DNAH5: variants seen among roughly 807,000 people sequenced by gnomAD.
DNAH5 encodes dynein axonemal heavy chain 5.
In DNAH5, 372 loss-of-function variants were observed where a neutral mutation model predicts 518.2. That is an observed-to-expected ratio of 0.72 (90% CI 0.66 to 0.78). DNAH5 has a LOEUF of 0.78. DNAH5 is among the 30% of genes least tolerant of loss of function. The pLI is 0.00. For synonymous variants in DNAH5, 2,039 were observed against 2,025.9 expected, an observed-to-expected ratio of 1.01 and a Z score of -0.17; for missense variants, 5,523 against 5,687.0, an observed-to-expected ratio of 0.97 and a Z score of 0.93.
chr5:13,915,456 A>G (rs1459912065), intron 9 of DNAH5, among the ~76,000 whole-genome samples: 2 of 152,114 alleles, frequency 1.3e-5, no homozygotes, highest in Admixed American at 1.3e-4. Flanking sequence ...AATCTTAATT[A>G]ATAACACACA....
intron 21 of DNAH5, 73 bp from the exon 22 acceptor site, chr5:13,876,890 T>G: frequency 1.4e-6 from 2 of 1,464,990 alleles, no homozygotes; most frequent in East Asian, 2.3e-5. Context: ...TGAGGATATT[T>G]CTGTGATAGT....
chr5:13,722,199 A>C (rs936845425), intron 70 of DNAH5, among the ~76,000 whole-genome samples: 3 of 152,208 alleles, frequency 2.0e-5, no homozygotes, highest in African/African-American at 7.2e-5. Context: ...CTTCAGATGG[A>C]GCTTCCCTTG....
intron 32 of DNAH5, among the ~76,000 whole-genome samples, chr5:13,844,334 C>G (rs1343872425): frequency 1.3e-5 from 2 of 152,134 alleles, no homozygotes; most frequent in African/African-American, 4.8e-5. Context: ...ATGGATTAGA[C>G]AATAGATTTC....
chr5:13,976,279 G>A (rs1301834453), intron 1 of DNAH5, among the ~76,000 whole-genome samples: 1 of 152,148 alleles, frequency 6.6e-6, no homozygotes, highest in Non-Finnish European at 1.5e-5. Flanking sequence ...GTTGCCTGCA[G>A]CCAACAGTTG....
At chr5:13,749,076 G>A (rs1423469689) in intron 65 of DNAH5, among the ~76,000 whole-genome samples, 1 of 151,964 alleles carries the variant, frequency 6.6e-6, no homozygotes, top group Non-Finnish European at 1.5e-5. Context: ...TGAAGAAGCT[G>A]CAAAAGTAAA....
At chr5:13,977,392 G>A (rs1433607662) in intron 1 of DNAH5, among the ~76,000 whole-genome samples, 1 of 152,100 alleles carries the variant, frequency 6.6e-6, no homozygotes, top group Non-Finnish European at 1.5e-5. Flanking sequence ...GCCCATTCAG[G>A]CCACTCTAAC....
At chr5:13,735,700 T>G in intron 67 of DNAH5, 118 bp downstream of exon 67, 1 of 893,052 alleles carries the variant, frequency 1.1e-6, no homozygotes, top group Non-Finnish European at 1.9e-6. Flanking sequence ...TACACTGATC[T>G]GAGATTTAAA....
Position 13,692,052 on chromosome 5 carries a change from G to A in DNAH5, c.13807C>T (p.Leu4603Phe), listed in dbSNP as rs191662365. 2.5e-6 allele frequency: 4 copies of A among 1,614,106 alleles called. No homozygotes were observed. Among genetic ancestry groups the A allele is most frequent in the East Asian group, 2.2e-5 (1 of 44,870 alleles). ...TDLNYIAAVD[L>F]RTAQTPEHWV... The stretch of plus-strand genomic sequence containing the variant: ...TGTTCAGGGGTCTGGGCTGTCCTGA[G>A]ATCCACAGCGGCAATGTAGTTCAAG... Residue 4603 changes from leucine to phenylalanine, a missense_variant, in exon 79 of 79, where the codon CTC becomes TTC. Coordinates refer to ENST00000265104, the MANE Select transcript of DNAH5 (RefSeq NM_001369.3).
At chr5:13,975,096 G>A (rs1045589143) in intron 1 of DNAH5, among the ~76,000 whole-genome samples, 25 of 152,154 alleles carry the variant, frequency 1.6e-4, no homozygotes, top group African/African-American at 5.8e-4. Flanking sequence ...TCATGCTGCT[G>A]ATAAAGACAT....
intron 32 of DNAH5, among the ~76,000 whole-genome samples, chr5:13,843,075 T>C (rs561937589): frequency 1.3e-5 from 2 of 152,314 alleles, no homozygotes; most frequent in South Asian, 2.1e-4. Flanking sequence ...CTGATGAATT[T>C]AGTCCCTTCT....
rs760689764 is a variant in DNAH5, at chr5:13,855,204, ATT to A, written c.4950+4246_4950+4247del. 3.5e-3 allele frequency among the ~76,000 whole-genome samples: 191 copies of A among 54,018 alleles called. 4 individuals are homozygous for A. The highest frequency in any genetic ancestry group is 9.0e-3 in the East Asian group (21 of 2,334). The allele number at this position is 54,018 out of a possible 152,430, so 35.4% of individuals were successfully genotyped here. On this transcript the variant is annotated intron_variant, in intron 30 of 78. Coordinates refer to ENST00000265104, the MANE Select transcript of DNAH5 (RefSeq NM_001369.3). The stretch of plus-strand genomic sequence containing the variant: ...CATAGATTTTCATCATAAATCTTAC[ATT>A]TTTTTTTTTTTTTTTTTTTTGAGAC...
At chr5:13,983,513 A>G (rs2152068662) in intron 1 of DNAH5, among the ~76,000 whole-genome samples, 1 of 152,348 alleles carries the variant, frequency 6.6e-6, no homozygotes, top group Non-Finnish European at 1.5e-5. Flanking sequence ...CATCAGCATC[A>G]GTGTGACGAT....
At position 13,814,588 on chromosome 5, in the gene DNAH5, G is replaced by C. The variant is rs1761190445; in HGVS notation, c.7230+17C>G. On this transcript the variant is annotated intron_variant, in intron 43 of 78. Coordinates refer to ENST00000265104, the MANE Select transcript of DNAH5 (RefSeq NM_001369.3). ...TGTTTTCCTTTTTAATTATACAAAA[G>C]AAGGATTCAATTATACCTCAAGAAT... 6.2e-7 allele frequency: 1 copy of C among 1,612,242 alleles called. No individual in the cohort carries two copies. Among genetic ancestry groups the C allele is most frequent in the Non-Finnish European group, 8.5e-7 (1 of 1,178,494 alleles).
intron 53 of DNAH5, among the ~76,000 whole-genome samples, chr5:13,778,596 A>AAGAAAGAGAGAGAGAGAAAGAAAG (rs768853052): frequency 8.2e-4 from 84 of 102,208 alleles, no homozygotes; most frequent in African/African-American, 3.0e-3. Context: ...GAAAGAAAGA[A>AAGAAAGAGAGAGAGAGAAAGAAAG]AGAGAGAGAG....
chr5:14,009,169 A>T (rs1252466617), intron 1 of DNAH5, among the ~76,000 whole-genome samples: 1 of 152,260 alleles, frequency 6.6e-6, no homozygotes, highest in African/African-American at 2.4e-5. Flanking sequence ...AAGCAAAGCC[A>T]AATGCAAACA....
At chr5:13,961,706 G>A (rs1409478132) in intron 1 of DNAH5, among the ~76,000 whole-genome samples, 2 of 152,082 alleles carry the variant, frequency 1.3e-5, no homozygotes, top group East Asian at 3.9e-4. Flanking sequence ...CAAAGCCCAC[G>A]GACAAAATGA....
chr5:13,778,102 T>G (rs1754375490), intron 53 of DNAH5, among the ~76,000 whole-genome samples: 1 of 152,140 alleles, frequency 6.6e-6, no homozygotes, highest in Admixed American at 6.6e-5. Context: ...TGAAATAAAC[T>G]CAGAATTCAG....
At chr5:13,739,911 A>G (rs1439724465) in intron 65 of DNAH5, among the ~76,000 whole-genome samples, 1 of 152,136 alleles carries the variant, frequency 6.6e-6, no homozygotes, top group Non-Finnish European at 1.5e-5. Context: ...TCCCAAGTTT[A>G]TATCTCAGCT....
At chr5:13,837,692 CTTTTTTTT>C (rs534618242) in intron 35 of DNAH5, among the ~76,000 whole-genome samples, 29 of 95,136 alleles carry the variant, frequency 3.0e-4, no homozygotes, top group Non-Finnish European at 4.6e-4. Context: ...GGGAACTCCA[CTTTTTTTT>C]TTTTTTTTTT....
Sources: allele counts gnomAD v4.1 joint callset (sites outside exome capture counted in the v4.1 genomes callset), GRCh38; gene constraint gnomAD v4.1.1; transcripts MANE v1.5; gene names NCBI Gene and HGNC (gene_info 2026-07-23, HGNC 2026-07-21).